RGS3: variants seen among roughly 807,000 people sequenced by gnomAD.
RGS3 encodes the protein regulator of G-protein signalling 3.
A neutral mutation model predicts 132.6 loss-of-function variants in RGS3; 80 were observed. That is an observed-to-expected ratio of 0.60 (90% confidence interval 0.50 to 0.73). The LOEUF (loss-of-function observed/expected upper bound fraction) is 0.73, where lower values mean the gene tolerates loss of function less well. Ranked by LOEUF, RGS3 falls within the 30% of genes least tolerant of loss-of-function variation. RGS3 has a pLI of 0.00. For missense variants in RGS3, 1,382 were observed against 1,530.8 expected (o/e 0.90, Z 1.62); for synonymous variants, 598 against 620.6 (o/e 0.96, Z 0.54).
intron 20 of RGS3, among the ~76,000 whole-genome samples, chr9:113,588,739 G>T (rs1181302768): frequency 6.6e-6 from 1 of 152,240 alleles, no homozygotes; most frequent in Admixed American, 6.5e-5. Flanking sequence ...GCTCACTGCT[G>T]TGTGTTGGGC....
At chr9:113,488,423 C>G (rs183808532) in intron 7 of RGS3, among the ~76,000 whole-genome samples, 1 of 152,242 alleles carries the variant, frequency 6.6e-6, no homozygotes, top group Non-Finnish European at 1.5e-5. Flanking sequence ...GTGAGATTGT[C>G]AAGGAAGGTC....
chr9:113,514,766 T>G (rs1428123896), intron 15 of RGS3, 112 bp downstream of exon 13: 17 of 1,028,146 alleles, frequency 1.7e-5, no homozygotes, highest in East Asian at 1.0e-4. Flanking sequence ...GGCCCTGTTT[T>G]GGGAAAGATA....
chr9:113,467,412 A>G (rs1416473677), intron 3 of RGS3, among the ~76,000 whole-genome samples: 1 of 152,116 alleles, frequency 6.6e-6, no homozygotes, highest in African/African-American at 2.4e-5. Flanking sequence ...TGACTTTTTA[A>G]TTCTAGCTAT....
chr9:113,495,689 C>A, intron 7 of RGS3, 97 bp from the exon 6 acceptor site: 2 of 957,408 alleles, frequency 2.1e-6, no homozygotes, highest in Non-Finnish European at 3.4e-6. Context: ...CTTTGTAAAC[C>A]ACAGTGCATC....
intron 8 of RGS3, 140 bp downstream of exon 6, chr9:113,495,986 C>T: frequency 1.3e-6 from 1 of 771,080 alleles, no homozygotes; most frequent in Non-Finnish European, 2.3e-6. Flanking sequence ...GTGGGGTGGC[C>T]TGCATAGCAG....
chr9:113,464,704 A>G (rs1829570742), intron 3 of RGS3, among the ~76,000 whole-genome samples: 1 of 152,236 alleles, frequency 6.6e-6, no homozygotes, highest in Non-Finnish European at 1.5e-5. Context: ...GCTGAGCTCA[A>G]GCTTTCCAGA....
rs1173495545 is a variant in RGS3, at chr9:113,579,461, A to G, written c.2038-3989A>G. Among the ~76,000 whole-genome samples, 1 of 152,190 alleles carries G rather than the reference A, an allele frequency of 6.6e-6. No individual in the cohort carries two copies. The highest frequency in any genetic ancestry group is 1.5e-5 in the Non-Finnish European group (1 of 68,026). On this transcript the variant is annotated intron_variant, in intron 19 of 24. Coordinates refer to ENST00000350696, the Ensembl canonical transcript of RGS3. The surrounding 1 kb of genome is among the most constrained non-coding windows in gnomAD (Gnocchi z 4.3). ...CTTACAGCAGATGAGACATGGGCAG[A>G]ATTAACCTGGTCCAGCCAAGCCAAA...
chr9:113,571,021 T>C (rs1564586571), intron 19 of RGS3, among the ~76,000 whole-genome samples: 1 of 152,252 alleles, frequency 6.6e-6, no homozygotes, highest in African/African-American at 2.4e-5. Context: ...TATTTCATGC[T>C]GACTTCTTTT....
At chr9:113,510,584 T>G (rs1045908879) in intron 14 of RGS3, among the ~76,000 whole-genome samples, 1 of 152,042 alleles carries the variant, frequency 6.6e-6, no homozygotes, top group African/African-American at 2.4e-5. Flanking sequence ...CACAGGCTGG[T>G]GTCTGGGGTT....
chr9:113,503,659 G>A (rs1183358244), intron 10 of RGS3, among the ~76,000 whole-genome samples: 1 of 152,208 alleles, frequency 6.6e-6, no homozygotes, highest in African/African-American at 2.4e-5. Context: ...CAGGGTGCTG[G>A]GATGGGTTTT....
chr9:113,536,479 G>A, intron 18 of RGS3: 1 of 1,043,990 alleles, frequency 9.6e-7, no homozygotes, highest in Non-Finnish European at 1.2e-6. Context: ...GCTGCTTTGT[G>A]CTGCCTGCCC....
chr9:113,466,408 A>G (rs1490697485), intron 3 of RGS3, among the ~76,000 whole-genome samples: 1 of 152,232 alleles, frequency 6.6e-6, no homozygotes, highest in Non-Finnish European at 1.5e-5. Context: ...AACTGTTTTG[A>G]TGAGAATTCC....
intron 19 of RGS3, among the ~76,000 whole-genome samples, chr9:113,572,093 G>A (rs141015525): frequency 1.3e-5 from 2 of 152,256 alleles, no homozygotes; most frequent in African/African-American, 2.4e-5. Context: ...TGTGAGCATA[G>A]GTTTAGAGGG....
intron 1 of RGS3, among the ~76,000 whole-genome samples, chr9:113,449,823 A>G (rs1829198711): frequency 6.6e-6 from 1 of 151,690 alleles, no homozygotes; most frequent in Non-Finnish European, 1.5e-5. Flanking sequence ...GCTCACTGCA[A>G]CCTCTGCCTC....
chr9:113,505,489 C>T (rs369412765), exon 11 of RGS3: 42 of 1,614,010 alleles, frequency 2.6e-5, no homozygotes, highest in South Asian at 4.4e-5. Context: ...CCATCTGCTG[C>T]GACTCTCCAG....
intron 3 of RGS3, among the ~76,000 whole-genome samples, chr9:113,469,203 G>A (rs541219205): frequency 6.6e-6 from 1 of 152,242 alleles, no homozygotes; most frequent in East Asian, 1.9e-4. Flanking sequence ...TCAGCCAGCT[G>A]CGTGGTGTGT....
At chr9:113,594,855 C>T (rs972258224) in intron 22 of RGS3, 64 bp from the exon 21 acceptor site, 1 of 1,521,112 alleles carries the variant, frequency 6.6e-7, no homozygotes, top group Non-Finnish European at 9.1e-7. Flanking sequence ...CCGCCTGGCC[C>T]AGCTTCCCCC....
chr9:113,539,730 A>G (rs1204600620), intron 19 of RGS3, among the ~76,000 whole-genome samples: 1 of 152,244 alleles, frequency 6.6e-6, no homozygotes, highest in Non-Finnish European at 1.5e-5. Context: ...GTGTCTGCTG[A>G]CACCCAGATG....
rs1832683414 is a variant in RGS3 at position 113,536,531 on chromosome 9, C to T, written c.1915-265C>T. 6.4e-6 allele frequency: 8 copies of T among 1,246,162 alleles called. No homozygotes were observed. The South Asian group carries it at 1.4e-4, about 22-fold the overall frequency. 77.2% of individuals were successfully genotyped at this position (1,246,162 alleles called of 1,614,324 possible). ...CGGCTCTGTCCTGCTCTCCACAGGCCTCTGCTGTGTTGGGAGCCACTGCCT... is the reference window on the plus strand; with the variant it reads ...CGGCTCTGTCCTGCTCTCCACAGGCTTCTGCTGTGTTGGGAGCCACTGCCT... On this transcript the variant is annotated intron_variant, in intron 18 of 24. Transcript: ENST00000350696.
Sources: gnomAD v4.1 joint callset for allele counts (sites outside exome capture counted in the v4.1 genomes callset) on GRCh38, gnomAD v4.1.1 for gene constraint, Gnocchi (gnomAD v3.1) non-coding constraint, MANE v1.5 for transcripts, NCBI Gene and HGNC (gene_info 2026-07-23, HGNC 2026-07-21) for gene names.